The following MERTK variants were observed in gnomAD, a reference collection of about 807,000 sequenced individuals.
The protein encoded by MERTK is tyrosine-protein kinase Mer.
A neutral mutation model predicts 99.3 loss-of-function variants in MERTK; 69 were observed. That is an observed-to-expected ratio of 0.70 (90% CI 0.57 to 0.85). The LOEUF (loss-of-function observed/expected upper bound fraction) is 0.85. Among genes scored for constraint, MERTK ranks in the 40% least tolerant of loss-of-function variants. MERTK has a pLI of 0.00. For synonymous variants in MERTK, 426 were observed against 467.6 expected, an observed-to-expected ratio of 0.91 and a Z score of 1.15; for missense variants, 1,125 against 1,249.4, an observed-to-expected ratio of 0.90 and a Z score of 1.50.
chr2:112,024,162 TG>T (rs1677416697), intron 18 of MERTK, among the ~76,000 whole-genome samples: 1 of 152,178 alleles, frequency 6.6e-6, no homozygotes, highest in African/African-American at 2.4e-5. Context: ...AAAAGTGCCA[TG>T]TTTATGAAGT....
intron 15 of MERTK, among the ~76,000 whole-genome samples, chr2:112,017,772 A>G (rs762390874): frequency 2.0e-5 from 3 of 152,200 alleles, no homozygotes; most frequent in Non-Finnish European, 4.4e-5. Context: ...ATGTTTTAAG[A>G]AAAGCAGATT....
chr2:111,997,890 G>A (rs1676785695), intron 10 of MERTK, among the ~76,000 whole-genome samples: 1 of 152,178 alleles, frequency 6.6e-6, no homozygotes, highest in Admixed American at 6.5e-5. Context: ...CATCTCTACA[G>A]AAAATACAAA....
At chr2:112,011,004 A>C (rs1477866827) in intron 15 of MERTK, among the ~76,000 whole-genome samples, 2 of 152,208 alleles carry the variant, frequency 1.3e-5, no homozygotes, top group East Asian at 3.9e-4. Flanking sequence ...CACTGCCCTT[A>C]ATCACAGCTG....
intron 2 of MERTK, 108 bp from the exon 3 acceptor site, chr2:111,944,852 A>T: frequency 1.1e-6 from 1 of 936,856 alleles, no homozygotes. Context: ...GCTGACATAT[A>T]AAATTAACTA....
chr2:111,968,008 A>C, intron 5 of MERTK, 129 bp from the exon 6 acceptor site: 1 of 736,582 alleles, frequency 1.4e-6, no homozygotes. Flanking sequence ...CTCCTCTTGA[A>C]AACATGTTTC....
intron 14 of MERTK, 65 bp from the exon 15 acceptor site, chr2:112,009,883 A>G: frequency 8.0e-7 from 1 of 1,256,490 alleles, no homozygotes; most frequent in South Asian, 1.2e-5. Context: ...CCAGTGGTCC[A>G]CGAGGGCTTT....
intron 18 of MERTK, among the ~76,000 whole-genome samples, chr2:112,023,897 A>C (rs1677410893): frequency 6.6e-6 from 1 of 152,012 alleles, no homozygotes; most frequent in Non-Finnish European, 1.5e-5. Context: ...ACACACACAC[A>C]CAGACACACA....
rs138821534 is a variant in MERTK, at chr2:111,968,338, G to A, written c.960+86G>A. On this transcript the variant is annotated intron_variant, in intron 6 of 18. Transcript: ENST00000295408. ...TTTCTTCCTTCCAAGGATGGGCATG[G>A]AGGGCATTTCTCCATCTCTGTACAG... 55 of 1,086,374 alleles carry A rather than the reference G, an allele frequency of 5.1e-5. No individual in the cohort carries two copies. In the East Asian group the frequency reaches 1.2e-3, roughly 24 times the overall value. The allele number at this position is 1,086,374 out of a possible 1,614,324, so 67.3% of individuals were successfully genotyped here. A position where few individuals can be genotyped will look rare whatever the true frequency, so the allele number is the denominator to read the frequency against.
chr2:111,981,439 G>C (rs1240091057), intron 7 of MERTK, among the ~76,000 whole-genome samples: 1 of 152,090 alleles, frequency 6.6e-6, no homozygotes, highest in Non-Finnish European at 1.5e-5. Flanking sequence ...ATTTGAGACA[G>C]AGTCTCACTC....
At chr2:111,947,272 C>T in intron 3 of MERTK, 122 bp from the exon 4 acceptor site, 1 of 628,282 alleles carries the variant, frequency 1.6e-6, no homozygotes, top group Admixed American at 2.3e-5. Context: ...GACTCCATCC[C>T]CACCCGCCCC....
chr2:111,906,666 T>G (rs1039430461), intron 1 of MERTK, among the ~76,000 whole-genome samples: 73 of 152,350 alleles, frequency 4.8e-4, no homozygotes, highest in Non-Finnish European at 4.4e-5. Flanking sequence ...GAAACCAGCC[T>G]TTAAGCCTTT....
chr2:111,948,723 C>T (rs939446571), intron 4 of MERTK, among the ~76,000 whole-genome samples: 5 of 152,148 alleles, frequency 3.3e-5, no homozygotes, highest in Admixed American at 6.5e-5. Context: ...CACCCTGGTC[C>T]GTGTCACTGC....
At position 111,898,695 on chromosome 2, in the gene MERTK, T is replaced by C. The variant is rs764317491; in HGVS notation, c.-41T>C. 1.6e-5 allele frequency: 26 copies of C among 1,593,780 alleles called. No homozygotes were observed. In the East Asian group the frequency reaches 5.0e-4, roughly 31 times the overall value. Reference sequence around the variant, plus strand: ...AGGACAGGTTCGGGACGTCCATCTGTCCATCCGTCCGGAGAGAAATTACAG... The same window carrying C: ...AGGACAGGTTCGGGACGTCCATCTGCCCATCCGTCCGGAGAGAAATTACAG... On this transcript the variant is annotated 5_prime_UTR_variant, in exon 1 of 19. Transcript: ENST00000295408.
In MERTK at chr2:112,003,178, C is replaced by A; in HGVS notation, c.1777C>A (p.Leu593Met). 1 of 1,556,720 alleles carries A rather than the reference C, an allele frequency of 6.4e-7. No individual in the cohort carries two copies. The highest frequency in any genetic ancestry group is 8.9e-7 in the Non-Finnish European group (1 of 1,128,326). The change falls in exon 12 of 19, where the codon CTG becomes ATG. Residue 593 changes from leucine to methionine, a missense_variant. Leu to Met is a conservative substitution (Grantham distance 15, BLOSUM62 2). Transcript: ENST00000295408. Reference protein sequence around the residue: ...DRNLLILGKILGEGEFGSVME... With the variant: ...DRNLLILGKIMGEGEFGSVME... ...GAATCTTCTAATTCTTGGAAAAATTCTGGGTGAAGGTAAGCAATTTAAAGT... is the reference window on the plus strand; with the variant it reads ...GAATCTTCTAATTCTTGGAAAAATTATGGGTGAAGGTAAGCAATTTAAAGT...
intron 14 of MERTK, 100 bp downstream of exon 14, chr2:112,008,575 T>C: frequency 1.2e-6 from 1 of 866,564 alleles, no homozygotes; most frequent in Non-Finnish European, 2.0e-6. Flanking sequence ...TTACACTTCG[T>C]ATAACCCCAA....
intron 1 of MERTK, among the ~76,000 whole-genome samples, chr2:111,926,194 G>A (rs530596275): frequency 4.3e-4 from 66 of 152,216 alleles, no homozygotes; most frequent in African/African-American, 1.6e-3. Context: ...CAACAAATTT[G>A]TTAAGTTCCT....
chr2:111,996,077 A>G (rs897478504), intron 9 of MERTK: 1 of 154,402 alleles, frequency 6.5e-6, no homozygotes, highest in African/African-American at 2.4e-5. Flanking sequence ...TCGGAGGCCG[A>G]GGCAGTTGGA....
intron 6 of MERTK, among the ~76,000 whole-genome samples, chr2:111,973,694 A>G (rs1368447161): frequency 2.0e-5 from 3 of 152,132 alleles, no homozygotes; most frequent in African/African-American, 7.2e-5. Flanking sequence ...TTCTGATTTT[A>G]TAAGTGCCAC....
chr2:111,989,402 G>C (rs1676562502), intron 8 of MERTK, among the ~76,000 whole-genome samples: 1 of 151,246 alleles, frequency 6.6e-6, no homozygotes, highest in Admixed American at 6.6e-5. Flanking sequence ...TGTCACCCAG[G>C]CTGGAGTGCA....
Sources: gnomAD v4.1 joint callset for allele counts (sites outside exome capture counted in the v4.1 genomes callset) on GRCh38, gnomAD v4.1.1 for gene constraint, MANE v1.5 for transcripts, NCBI Gene and HGNC (gene_info 2026-07-23, HGNC 2026-07-21) for gene names.